The following CADM2 variants were observed in gnomAD, a reference collection of about 807,000 sequenced individuals.
CADM2 encodes the protein immunoglobulin superfamily member 4D.
In CADM2, 12 loss-of-function variants were observed where a neutral mutation model predicts 49.8. The ratio of observed to expected loss-of-function variants is 0.24; its 90% CI spans 0.15 to 0.39. CADM2 has a LOEUF of 0.39. Ranked by LOEUF, CADM2 falls within the 10% of genes least tolerant of loss-of-function variation. The pLI is 1.00. For missense variants in CADM2, 378 were observed against 492.3 expected (o/e 0.77, Z 2.20); for synonymous variants, 214 against 175.4 (o/e 1.22, Z -1.74).
At chr3:85,568,514 T>TCTTTCTTTCTTTCTTTCATTCTTTCCTC (rs1553743642) in intron 1 of CADM2, among the ~76,000 whole-genome samples, 1 of 129,462 alleles carries the variant, frequency 7.7e-6, no homozygotes, top group African/African-American at 3.9e-5. Context: ...TTTCTTTCTT[T>TCTTTCTTTCTTTCTTTCATTCTTTCCTC]CCTCCCTCCC....
At chr3:85,797,293 C>T (rs572791108) in intron 2 of CADM2, among the ~76,000 whole-genome samples, 6 of 151,914 alleles carry the variant, frequency 3.9e-5, no homozygotes, top group Non-Finnish European at 8.8e-5. Flanking sequence ...TTCTGGCATA[C>T]ACGTGCAGAA....
chr3:85,937,807 C>G (rs1382967374), intron 7 of CADM2, among the ~76,000 whole-genome samples: 2 of 151,890 alleles, frequency 1.3e-5, no homozygotes, highest in African/African-American at 4.8e-5. Flanking sequence ...GAGTTCTTAA[C>G]CATATAAAAA....
rs35676169 is a variant in CADM2 at position 85,577,984 on chromosome 3, TTTCCTTCCTTCC to T, written c.62-148503_62-148492del. 2.2e-3 allele frequency among the ~76,000 whole-genome samples: 302 copies of T among 134,222 alleles called. 2 individuals carry two copies. The highest frequency in any genetic ancestry group is 6.9e-3 in the South Asian group (25 of 3,620). 88.1% of individuals were successfully genotyped at this position (134,222 alleles called of 152,430 possible). ...TTTTATAATCTTACCTATTAATCTCTTTCCTTCCTTCCTTCCTTCCTTCCTTCCTTCCTTCCT... is the reference window on the plus strand; with the variant it reads ...TTTTATAATCTTACCTATTAATCTCTTTCCTTCCTTCCTTCCTTCCTTCCT... On this transcript the variant is annotated intron_variant, in intron 1 of 9. Transcript: ENST00000383699.
Position 85,271,169 on chromosome 3 carries a change from G to A in CADM2, c.61+311501G>A, listed in dbSNP as rs1177992149. ...CTTGAGCAAGATAGCTTCCTAAATG[G>A]AAAATATGTAAGAGTGAATTCAATC... On this transcript the variant is annotated intron_variant, in intron 1 of 9. Coordinates refer to ENST00000383699, the MANE Select transcript of CADM2 (RefSeq NM_001167675.2). Among the ~76,000 whole-genome samples, 3 of 151,328 alleles carry A rather than the reference G, an allele frequency of 2.0e-5. No homozygotes were observed. The Admixed American group carries it at 2.0e-4, about 10-fold the overall frequency.
At chr3:85,471,160 G>C (rs1576615233) in intron 1 of CADM2, among the ~76,000 whole-genome samples, 1 of 152,060 alleles carries the variant, frequency 6.6e-6, no homozygotes, top group East Asian at 1.9e-4. Flanking sequence ...CCAAGATGTA[G>C]GGGTGGCTCA....
chr3:85,529,265 G>T (rs1384561538), intron 1 of CADM2, among the ~76,000 whole-genome samples: 4 of 152,114 alleles, frequency 2.6e-5, no homozygotes, highest in African/African-American at 9.7e-5. Context: ...CTTAGCGATT[G>T]GGTCTTTGCT....
In CADM2 at chr3:85,181,548, G is replaced by T. The variant is rs558161648; in HGVS notation, c.61+221880G>T. Among the ~76,000 whole-genome samples, 5 of 152,190 alleles carry T rather than the reference G, an allele frequency of 3.3e-5. No individual in the cohort carries two copies. In the South Asian group the frequency reaches 1.0e-3, roughly 31 times the overall value. On this transcript the variant is annotated intron_variant, in intron 1 of 9. Coordinates refer to ENST00000383699, the MANE Select transcript of CADM2 (RefSeq NM_001167675.2). ...TCTGAGAATCTGCCATGTAAATTGAGAATTGAATATCAAGGTATCACTTTT... is the reference window on the plus strand; with the variant it reads ...TCTGAGAATCTGCCATGTAAATTGATAATTGAATATCAAGGTATCACTTTT...
intron 5 of CADM2, among the ~76,000 whole-genome samples, chr3:85,891,389 A>G (rs981515650): frequency 1.3e-5 from 2 of 152,232 alleles, no homozygotes; most frequent in Non-Finnish European, 2.9e-5. Flanking sequence ...TGCATTAGGC[A>G]GCATTCTATG....
At chr3:85,618,252 C>G (rs1305087981) in intron 1 of CADM2, among the ~76,000 whole-genome samples, 1 of 151,988 alleles carries the variant, frequency 6.6e-6, no homozygotes, top group Non-Finnish European at 1.5e-5. Flanking sequence ...AATTACTAAT[C>G]AGAGGTACCT....
At chr3:86,007,340 G>C (rs1240743417) in intron 8 of CADM2, among the ~76,000 whole-genome samples, 1 of 146,512 alleles carries the variant, frequency 6.8e-6, no homozygotes, top group Non-Finnish European at 1.5e-5. Flanking sequence ...AGCCAGTGAA[G>C]ATGTACTTGG....
chr3:84,999,937 G>A (rs1872552), intron 1 of CADM2, among the ~76,000 whole-genome samples: 58,689 of 151,790 alleles, frequency 0.39, 11,532 homozygotes, highest in Admixed American at 0.43. Context: ...AGATCTTAGG[G>A]GCCAGCTAGT....
At chr3:85,137,136 C>A (rs1159073915) in intron 1 of CADM2, among the ~76,000 whole-genome samples, 1 of 151,740 alleles carries the variant, frequency 6.6e-6, no homozygotes, top group Non-Finnish European at 1.5e-5. Context: ...GAGGGTAAGC[C>A]ACATCATTAA....
At chr3:85,623,503 T>A (rs946287380) in intron 1 of CADM2, among the ~76,000 whole-genome samples, 9 of 152,098 alleles carry the variant, frequency 5.9e-5, no homozygotes, top group African/African-American at 2.2e-4. Context: ...GGAGCCCAAA[T>A]GTAATGATGG....
intron 1 of CADM2, among the ~76,000 whole-genome samples, chr3:85,134,172 C>T (rs2039338311): frequency 6.6e-6 from 1 of 152,244 alleles, no homozygotes; most frequent in African/African-American, 2.4e-5. Context: ...GTCCGCCAAG[C>T]CCACGCCCAC....
At chr3:85,230,356 C>T (rs926208840) in intron 1 of CADM2, among the ~76,000 whole-genome samples, 1 of 152,138 alleles carries the variant, frequency 6.6e-6, no homozygotes, top group Non-Finnish European at 1.5e-5. Context: ...CTCAGATTAT[C>T]TATGGTTCTT....
rs2069707542 is a variant in CADM2, at chr3:85,767,298, T to C, written c.89-34749T>C. The stretch of plus-strand genomic sequence containing the variant: ...TAAGCCAGAAGGATACTGCTCCCAA[T>C]GTACAAATAAGCCGGCGGCTGCTTC... On this transcript the variant is annotated intron_variant, in intron 2 of 9. Transcript: ENST00000383699. 2.6e-5 allele frequency among the ~76,000 whole-genome samples: 4 copies of C among 152,164 alleles called. No homozygotes were observed. The South Asian group carries it at 8.3e-4, about 31-fold the overall frequency.
At chr3:86,047,912 C>G (rs183224086) in intron 8 of CADM2, among the ~76,000 whole-genome samples, 243 of 152,114 alleles carry the variant, frequency 1.6e-3, no homozygotes, top group Non-Finnish European at 2.2e-3. Context: ...AGGAAGATAT[C>G]GCAAAGATCA....
chr3:85,115,687 G>A (rs1018069553), intron 1 of CADM2, among the ~76,000 whole-genome samples: 4 of 152,160 alleles, frequency 2.6e-5, no homozygotes, highest in Non-Finnish European at 4.4e-5. Context: ...AAGGTAAAAG[G>A]TTATTAATAT....
chr3:85,035,107 A>T (rs1173942089), intron 1 of CADM2, among the ~76,000 whole-genome samples: 1 of 152,040 alleles, frequency 6.6e-6, no homozygotes, highest in East Asian at 1.9e-4. Context: ...GGCTGATAAA[A>T]GCCATTTTAA....
Sources: allele counts gnomAD v4.1 joint callset (sites outside exome capture counted in the v4.1 genomes callset), GRCh38; gene constraint gnomAD v4.1.1; transcripts MANE v1.5; gene names NCBI Gene and HGNC (gene_info 2026-07-23, HGNC 2026-07-21).